Variants in TUBB8 observed in about 807,000 individuals in gnomAD.
TUBB8 encodes tubulin beta 8 class VIII.
A neutral mutation model predicts 33.7 loss-of-function variants in TUBB8; 25 were observed. The observed-to-expected ratio is 0.74, with a 90% CI of 0.54 to 1.04. TUBB8 has a LOEUF of 1.04. TUBB8 is among the 50% of genes least tolerant of loss of function. The pLI is 0.00. For synonymous variants in TUBB8, 245 were observed against 240.1 expected (o/e 1.02, Z -0.19); for missense variants, 279 against 608.0 (o/e 0.46, Z 5.69).
At chr10:54,687 T>C (rs1393685876) in intron 1 of TUBB8, among the ~76,000 whole-genome samples, 1 of 152,228 alleles carries the variant, frequency 6.6e-6, no homozygotes, top group African/African-American at 2.4e-5. Flanking sequence ...TTCTATAGAA[T>C]GTTTTGAACT....
Position 47,045 on chromosome 10 carries a change from A to G in TUBB8, c.*12T>C. 1 of 865,794 alleles carries G rather than the reference A, an allele frequency of 1.2e-6. No individual in the cohort carries two copies. The highest frequency in any genetic ancestry group is 1.8e-6 in the Non-Finnish European group (1 of 540,630). The allele number at this position is 865,794 out of a possible 1,614,324, so 53.6% of individuals were successfully genotyped here. On this transcript the variant is annotated 3_prime_UTR_variant, in exon 4 of 4. Coordinates refer to ENST00000568584, the MANE Select transcript of TUBB8 (RefSeq NM_177987.3). ...CACACTGCTTCCCCCCTTTACCTAG[A>G]AAAGGAGAGTTCTAGGCCACCTCCT...
rs1554739045 is a variant in TUBB8 at position 49,202 on chromosome 10, C to T, written c.37G>A (p.Gly13Arg). Residue 13 changes from glycine to arginine, a missense_variant, in exon 1 of 4, where the codon GGG (glycine) becomes AGG (arginine). Physicochemically the swap from Gly to Arg is moderately radical, Grantham distance 125. Around this residue, in one of 4 missense-constraint regions of TUBB8, gnomAD observed 56 missense variants for 77.9 expected, o/e 0.72. Transcript: ENST00000568584. ...CCAACCTTGGCGCCGATCTGATTCC[C>T]GCACTGCCCGATCTGCGTGAGCACG... ...EIVLTQIGQC[G>R]NQIGAKFWEV... 9 of 1,579,372 alleles carry T rather than the reference C, an allele frequency of 5.7e-6. No individual in the cohort carries two copies. The highest frequency in any genetic ancestry group is 1.8e-5 in the Admixed American group (1 of 55,650).
At chr10:55,194 G>A (rs1334300670) in intron 1 of TUBB8, among the ~76,000 whole-genome samples, 3 of 152,238 alleles carry the variant, frequency 2.0e-5, no homozygotes, top group Admixed American at 1.3e-4. Context: ...GAGCATATAT[G>A]TGAAGCAAAG....
chr10:48,492 G>A (rs1338438676), intron 3 of TUBB8, 123 bp downstream of exon 3: 8 of 942,888 alleles, frequency 8.5e-6, no homozygotes, highest in African/African-American at 8.1e-5. Context: ...GACTCGACTC[G>A]GAGGATAGGA....
At position 48,088 on chromosome 10, in the gene TUBB8, C is replaced by G; in HGVS notation, c.304G>C (p.Ala102Pro). ...FGQCGAGNNW[A>P]KGHYTEGAEL... ...GCGCCTTCGGTGTAGTGTCCCTTGG[C>G]CCAGTTGTTTCCGGCCCCACACTGA... Residue 102 changes from alanine to proline, a missense_variant, in exon 4 of 4, where the codon GCC (alanine) becomes CCC (proline). Transcript: ENST00000568584. 5 of 1,613,802 alleles carry G rather than the reference C, an allele frequency of 3.1e-6. No homozygotes were observed. The highest frequency in any genetic ancestry group is 4.2e-6 in the Non-Finnish European group (5 of 1,179,878).
At chr10:64,781 G>C (rs868912409) in intron 1 of TUBB8, among the ~76,000 whole-genome samples, 1 of 152,132 alleles carries the variant, frequency 6.6e-6, no homozygotes, top group Non-Finnish European at 1.5e-5. Flanking sequence ...TAAATGAAAA[G>C]TTGCTTACAC....
At chr10:60,239 C>G (rs1554740682) in intron 1 of TUBB8, among the ~76,000 whole-genome samples, 1 of 152,016 alleles carries the variant, frequency 6.6e-6, no homozygotes, top group African/African-American at 2.4e-5. Flanking sequence ...TAGGCACTTA[C>G]AGTTATAAAT....
intron 1 of TUBB8, among the ~76,000 whole-genome samples, chr10:61,150 C>T (rs1234418832): frequency 2.6e-5 from 4 of 151,720 alleles, no homozygotes; most frequent in African/African-American, 9.7e-5. Context: ...GGGTGCAGCG[C>T]ACCAGCATGG....
intron 1 of TUBB8, among the ~76,000 whole-genome samples, chr10:56,313 A>G (rs1299176634): frequency 6.6e-6 from 1 of 152,186 alleles, no homozygotes; most frequent in Non-Finnish European, 1.5e-5. Flanking sequence ...ACTGATTTGT[A>G]CATGTTGATT....
chr10:61,971 G>A (rs1183699896), intron 1 of TUBB8, among the ~76,000 whole-genome samples: 2 of 149,032 alleles, frequency 1.3e-5, no homozygotes, highest in African/African-American at 4.9e-5. Flanking sequence ...TTTATTTTCA[G>A]TCTAAATGTA....
At chr10:53,116 GATTTTT>G (rs138534152), upstream of TUBB8, among the ~76,000 whole-genome samples, 2,910 of 152,106 alleles carry the variant, frequency 0.019, 98 homozygotes, top group African/African-American at 0.067. Flanking sequence ...TGAAACATGA[GATTTTT>G]ATTTTTATTT....
At chr10:72,310 G>A (rs1234017990) in intron 1 of TUBB8, among the ~76,000 whole-genome samples, 2 of 149,208 alleles carry the variant, frequency 1.3e-5, no homozygotes, top group East Asian at 4.0e-4. Context: ...TGCAATCCCA[G>A]CACTATGGGA....
At chr10:53,596 G>A (rs1834494488), upstream of TUBB8, among the ~76,000 whole-genome samples, 1 of 152,208 alleles carries the variant, frequency 6.6e-6, no homozygotes, top group South Asian at 2.1e-4. Context: ...ATACCTCTTA[G>A]TTTCAAGATG....
chr10:52,926 G>A (rs1464150412), upstream of TUBB8, among the ~76,000 whole-genome samples: 10 of 152,166 alleles, frequency 6.6e-5, no homozygotes, highest in African/African-American at 2.2e-4. Flanking sequence ...TCCTCAAGGA[G>A]AAAATGTATT....
chr10:52,631 T>C (rs1588274937), upstream of TUBB8, among the ~76,000 whole-genome samples: 3 of 152,264 alleles, frequency 2.0e-5, no homozygotes, highest in Non-Finnish European at 2.9e-5. Context: ...CATTAACCCG[T>C]TGACCTAAGC....
At chr10:65,485 G>A (rs1834658852) in intron 1 of TUBB8, among the ~76,000 whole-genome samples, 1 of 152,244 alleles carries the variant, frequency 6.6e-6, no homozygotes. Context: ...AGCACTTTGG[G>A]AGGCCAAGGC....
intron 1 of TUBB8, among the ~76,000 whole-genome samples, chr10:60,184 G>C (rs1332386740): frequency 6.6e-6 from 1 of 151,914 alleles, no homozygotes; most frequent in Non-Finnish European, 1.5e-5. Context: ...AGTGAATTAA[G>C]ATGTATTGTT....
chr10:64,986 A>G (rs1329146861), intron 1 of TUBB8, among the ~76,000 whole-genome samples: 2 of 151,960 alleles, frequency 1.3e-5, no homozygotes, highest in African/African-American at 2.4e-5. Context: ...AAAAAAAAAA[A>G]AAAAAAAAAA....
At chr10:46,874 G>A (rs1834336017), downstream of TUBB8, 2 of 510,256 alleles carry the variant, frequency 3.9e-6, no homozygotes, top group South Asian at 4.5e-5. Flanking sequence ...ATAGAAAGAA[G>A]ATGGAGGCAA....
Sources: allele counts gnomAD v4.1 joint callset (sites outside exome capture counted in the v4.1 genomes callset), GRCh38; gene constraint gnomAD v4.1.1; regional missense constraint gnomAD v4.1.1; transcripts MANE v1.5; gene names NCBI Gene and HGNC (gene_info 2026-07-23, HGNC 2026-07-21).